PLXDC2: variants seen among roughly 807,000 people sequenced by gnomAD.
The protein encoded by PLXDC2 is plexin domain-containing protein 2.
PLXDC2 carries 40 observed loss-of-function variants against 68.9 expected under a neutral mutation model. The ratio of observed to expected loss-of-function variants is 0.58; its 90% CI spans 0.45 to 0.76. The LOEUF is 0.76. PLXDC2 is among the 30% of genes least tolerant of loss of function. The probability of loss-of-function intolerance (pLI) is 0.00; values close to 1 mark genes in which losing one functional copy is unlikely to be tolerated. For missense variants in PLXDC2, 644 were observed against 661.9 expected (o/e 0.97, Z 0.30); for synonymous variants, 243 against 234.2 (o/e 1.04, Z -0.34).
At chr10:20,204,052 A>G (rs537022503) in intron 9 of PLXDC2, among the ~76,000 whole-genome samples, 17 of 152,206 alleles carry the variant, frequency 1.1e-4, no homozygotes, top group South Asian at 4.1e-4. Flanking sequence ...CCAGAGCAGT[A>G]TATAATAAAT....
At chr10:20,170,274 T>A (rs1210459556) in intron 7 of PLXDC2, among the ~76,000 whole-genome samples, 1 of 152,148 alleles carries the variant, frequency 6.6e-6, no homozygotes, top group Non-Finnish European at 1.5e-5. Flanking sequence ...CACTGCAACC[T>A]CCCCCTCCGG....
At chr10:20,263,887 T>A (rs1835839633) in intron 13 of PLXDC2, among the ~76,000 whole-genome samples, 1 of 152,092 alleles carries the variant, frequency 6.6e-6, no homozygotes, top group Admixed American at 6.6e-5. Context: ...ATAAGTTAGT[T>A]CAACCATTGT....
chr10:20,282,457 TAAC>T lies in PLXDC2; in HGVS notation c.*2641_*2643del, dbSNP rs1175838471. ...AACATAATAGAATAACAAAAAAAGA[TAAC>T]AAAGAGATGCAAACTTCTGGATAAA... On this transcript the variant is annotated 3_prime_UTR_variant, in exon 14 of 14. Transcript: ENST00000377252. 5 of 152,142 alleles carry T rather than the reference TAAC, an allele frequency of 3.3e-5. No homozygotes were observed. The highest frequency in any genetic ancestry group is 7.2e-5 in the African/African-American group (3 of 41,436). 9.4% of individuals were successfully genotyped at this position (152,142 alleles called of 1,614,324 possible).
At chr10:20,248,330 C>T (rs896805110) in intron 13 of PLXDC2, among the ~76,000 whole-genome samples, 9 of 151,960 alleles carry the variant, frequency 5.9e-5, no homozygotes, top group Non-Finnish European at 8.8e-5. Flanking sequence ...CATGTGTATA[C>T]GTACACATGT....
At chr10:20,025,402 A>G (rs1243404943) in intron 2 of PLXDC2, among the ~76,000 whole-genome samples, 2 of 151,906 alleles carry the variant, frequency 1.3e-5, no homozygotes, top group Non-Finnish European at 2.9e-5. Flanking sequence ...AGCTGGGATT[A>G]CAGGCATGCA....
Position 20,245,483 on chromosome 10 carries a change from C to A in PLXDC2, c.1451C>A (p.Ala484Glu), listed in dbSNP as rs748061793. 9 of 1,611,842 alleles carry A rather than the reference C, an allele frequency of 5.6e-6. No homozygotes were observed. Among genetic ancestry groups the A allele is most frequent in the Non-Finnish European group, 7.6e-6 (9 of 1,179,552 alleles). The change falls in exon 13 of 14, where the codon GCA becomes GAA. Residue 484 changes from alanine (A) to glutamate (E), a missense_variant. Ala to Glu is a moderately radical substitution (Grantham distance 107, BLOSUM62 -1). Transcript: ENST00000377252. ...TATATGTATCACCACCCAACATCAG[C>A]AGCCAGCATCTTCTTTATTGAGGTA... ...TVYMYHHPTSAASIFFIERRP... is the reference protein window; with the variant it reads ...TVYMYHHPTSEASIFFIERRP...
intron 12 of PLXDC2, among the ~76,000 whole-genome samples, chr10:20,237,251 G>T (rs1290551923): frequency 6.6e-6 from 1 of 152,008 alleles, no homozygotes; most frequent in African/African-American, 2.4e-5. Context: ...TGAATGTATT[G>T]TCACAGTAAT....
intron 4 of PLXDC2, among the ~76,000 whole-genome samples, chr10:20,079,480 A>G (rs1000474238): frequency 6.6e-6 from 1 of 152,212 alleles, no homozygotes; most frequent in Non-Finnish European, 1.5e-5. Flanking sequence ...TTCTACATAA[A>G]CATGAATGTT....
intron 2 of PLXDC2, among the ~76,000 whole-genome samples, chr10:20,018,894 G>C (rs1225693117): frequency 6.6e-6 from 1 of 152,014 alleles, no homozygotes; most frequent in African/African-American, 2.4e-5. Context: ...CCACATATGT[G>C]GATCGAGTAT....
rs976991279 is a variant in PLXDC2 at position 20,288,415 on chromosome 10, C to G, written c.*8596C>G. On this transcript the variant is annotated 3_prime_UTR_variant, in exon 14 of 14. Transcript: ENST00000377252. ...TTCTGTCATGCTAAAATAACCAGCCCATACTTCTCGGTGACCTTCTGTTGA... is the reference window on the plus strand; with the variant it reads ...TTCTGTCATGCTAAAATAACCAGCCGATACTTCTCGGTGACCTTCTGTTGA... 1 of 152,030 alleles carries G rather than the reference C, an allele frequency of 6.6e-6. No homozygotes were observed. Among genetic ancestry groups the G allele is most frequent in the East Asian group, 1.9e-4 (1 of 5,186 alleles). The allele number at this position is 152,030 out of a possible 1,614,324, so 9.4% of individuals were successfully genotyped here. A position where few individuals can be genotyped will look rare whatever the true frequency, so the allele number is the denominator to read the frequency against.
intron 10 of PLXDC2, among the ~76,000 whole-genome samples, chr10:20,217,017 G>A (rs896660090): frequency 2.0e-5 from 3 of 152,176 alleles, no homozygotes; most frequent in Non-Finnish European, 2.9e-5. Flanking sequence ...AGTTTGATAC[G>A]AAAGGAATGC....
intron 7 of PLXDC2, among the ~76,000 whole-genome samples, chr10:20,174,426 G>C (rs1351635916): frequency 2.0e-5 from 3 of 152,044 alleles, no homozygotes; most frequent in African/African-American, 7.2e-5. Flanking sequence ...GCATCTTTCA[G>C]TTATACCAAA....
intron 7 of PLXDC2, among the ~76,000 whole-genome samples, chr10:20,170,131 A>T (rs1306914476): frequency 1.3e-5 from 2 of 152,198 alleles, no homozygotes; most frequent in African/African-American, 4.8e-5. Context: ...CTCTTTGAGG[A>T]ACAATTATAG....
At chr10:20,097,335 G>T (rs528537120) in intron 4 of PLXDC2, among the ~76,000 whole-genome samples, 1 of 151,896 alleles carries the variant, frequency 6.6e-6, no homozygotes, top group Non-Finnish European at 1.5e-5. Context: ...GTCGTGTTGC[G>T]TTCTGCAGGG....
intron 13 of PLXDC2, among the ~76,000 whole-genome samples, chr10:20,262,534 G>A (rs190085765): frequency 6.6e-6 from 1 of 152,222 alleles, no homozygotes; most frequent in East Asian, 1.9e-4. Context: ...AGCCATTCCA[G>A]CCTTCAGGCT....
chr10:19,878,757 T>C (rs1025113732), intron 1 of PLXDC2, among the ~76,000 whole-genome samples: 11 of 152,332 alleles, frequency 7.2e-5, no homozygotes, highest in African/African-American at 1.9e-4. Flanking sequence ...TTTTGTGTCT[T>C]TTTTCCACTA....
chr10:20,184,123 G>A (rs535965458), intron 9 of PLXDC2, among the ~76,000 whole-genome samples: 1 of 151,720 alleles, frequency 6.6e-6, no homozygotes, highest in East Asian at 1.9e-4. Context: ...ATGAGATGAT[G>A]GAAAAAAGAT....
Position 20,237,088 on chromosome 10 carries a change from C to T in PLXDC2, c.1313-8257C>T, listed in dbSNP as rs186285150. 2.6e-5 allele frequency among the ~76,000 whole-genome samples: 4 copies of T among 151,762 alleles called. No individual in the cohort carries two copies. In the South Asian group the frequency reaches 6.2e-4, roughly 24 times the overall value. ...TCCCTGAATAAATTTCACAGCTGCC[C>T]GATAGTAGGACAGACTGTAAAAGGA... On this transcript the variant is annotated intron_variant, in intron 12 of 13. Transcript: ENST00000377252.
chr10:20,021,678 A>ATTATTTATTTATTTATTTAT (rs71388891), intron 2 of PLXDC2, among the ~76,000 whole-genome samples: 191 of 148,500 alleles, frequency 1.3e-3, no homozygotes, highest in Middle Eastern at 3.5e-3. Context: ...ATTTTTTTTT[A>ATTATTTATTTATTTATTTAT]TTATTTATTT....
Sources: allele counts gnomAD v4.1 joint callset (sites outside exome capture counted in the v4.1 genomes callset), GRCh38; gene constraint gnomAD v4.1.1; transcripts MANE v1.5; gene names NCBI Gene and HGNC (gene_info 2026-07-23, HGNC 2026-07-21).